MYBPC1: variants seen among roughly 807,000 people sequenced by gnomAD.
The protein encoded by MYBPC1 is myosin-binding protein C, slow-type.
In MYBPC1, 52 loss-of-function variants were observed where a neutral mutation model predicts 147.1. The ratio of observed to expected loss-of-function variants is 0.35; its 90% CI spans 0.28 to 0.45. The LOEUF (loss-of-function observed/expected upper bound fraction) is 0.45. Ranked by LOEUF, MYBPC1 falls within the 20% of genes least tolerant of loss-of-function variation. MYBPC1 has a pLI of 1.00. For missense variants in MYBPC1, 1,228 were observed against 1,440.3 expected (o/e 0.85, Z 2.39); for synonymous variants, 477 against 475.9 (o/e 1.00, Z -0.03).
At chr12:101,603,497 G>A (rs1363632364) in intron 1 of MYBPC1, among the ~76,000 whole-genome samples, 1 of 152,144 alleles carries the variant, frequency 6.6e-6, no homozygotes, top group Non-Finnish European at 1.5e-5. Flanking sequence ...GTGTCACTGT[G>A]TTTATTGCGG....
At position 101,662,500 on chromosome 12, in the gene MYBPC1, T is replaced by G. The variant is rs575151552; in HGVS notation, c.2175T>G (p.Ile725Met). 6.2e-7 allele frequency: 1 copy of G among 1,614,220 alleles called. No homozygotes were observed. Among genetic ancestry groups the G allele is most frequent in the Non-Finnish European group, 8.5e-7 (1 of 1,180,028 alleles). ...YEVRIFAVNA[I>M]GISKPSMPSR... ...TCCGCATCTTTGCAGTCAATGCCAT[T>G]GGCATCTCCAAGCCCAGTATGCCCT... Residue 725 changes from isoleucine to methionine, a missense_variant, in exon 21 of 32, where the codon ATT (isoleucine) becomes ATG (methionine). By Grantham distance (10) the Ile-to-Met change is conservative (BLOSUM62 1). This residue lies in a region of MYBPC1 where 1,077 missense variants were observed against 1,314.2 expected (regional missense o/e 0.82). Coordinates refer to ENST00000361466, the MANE Select transcript of MYBPC1 (RefSeq NM_002465.4).
intron 19 of MYBPC1, 91 bp downstream of exon 19, chr12:101,659,922 C>G (rs1173448624): frequency 6.8e-7 from 1 of 1,481,212 alleles, no homozygotes. Context: ...CCTTCCATTT[C>G]CTTCCTTTGT....
chr12:101,617,889 C>A (rs1015574411), intron 3 of MYBPC1, among the ~76,000 whole-genome samples: 13 of 152,100 alleles, frequency 8.5e-5, no homozygotes, highest in African/African-American at 3.1e-4. Flanking sequence ...CTTTGTCTCA[C>A]CATGGAAGAA....
At chr12:101,668,598 T>A (rs1286902886) in intron 23 of MYBPC1, among the ~76,000 whole-genome samples, 1 of 152,058 alleles carries the variant, frequency 6.6e-6, no homozygotes. Context: ...GTAGTTGGGA[T>A]TATAGACATG....
At chr12:101,687,774 G>C (rs896259030), downstream of MYBPC1, among the ~76,000 whole-genome samples, 2 of 152,192 alleles carry the variant, frequency 1.3e-5, no homozygotes, top group African/African-American at 4.8e-5. Flanking sequence ...CCAAGACATT[G>C]GCCAAGCTAG....
intron 22 of MYBPC1, among the ~76,000 whole-genome samples, chr12:101,667,448 C>G (rs923598233): frequency 6.6e-6 from 1 of 152,202 alleles, no homozygotes. Context: ...TGGACAGTTA[C>G]TATTATTCAG....
chr12:101,664,194 A>T (rs1199750526), intron 22 of MYBPC1, among the ~76,000 whole-genome samples: 3 of 152,234 alleles, frequency 2.0e-5, no homozygotes, highest in Non-Finnish European at 4.4e-5. Context: ...ATAAATTTTT[A>T]AAATCACTGA....
intron 15 of MYBPC1, 175 bp from the exon 16 acceptor site, chr12:101,651,055 GA>G: frequency 1.3e-6 from 1 of 746,502 alleles, no homozygotes; most frequent in Non-Finnish European, 2.2e-6. Flanking sequence ...TCTAAGGAAT[GA>G]AATTGTACAG....
At chr12:101,631,808 A>T in intron 7 of MYBPC1, 89 bp downstream of exon 7, 1 of 1,577,830 alleles carries the variant, frequency 6.3e-7, no homozygotes, top group Non-Finnish European at 8.7e-7. Flanking sequence ...GCTTTGAGAG[A>T]CTTCAGTTCC....
At chr12:101,661,608 G>T (rs976410972) in intron 20 of MYBPC1, among the ~76,000 whole-genome samples, 1 of 152,028 alleles carries the variant, frequency 6.6e-6, no homozygotes, top group Non-Finnish European at 1.5e-5. Context: ...AAATAATTAG[G>T]CTGAGCATTG....
chr12:101,610,853 G>A (rs542768047), intron 1 of MYBPC1, among the ~76,000 whole-genome samples: 6 of 152,250 alleles, frequency 3.9e-5, no homozygotes, highest in South Asian at 2.1e-4. Flanking sequence ...GTGCAGGCCC[G>A]GGCTGCAGAG....
At chr12:101,662,903 A>G (rs1237909092) in intron 21 of MYBPC1, among the ~76,000 whole-genome samples, 2 of 152,176 alleles carry the variant, frequency 1.3e-5, no homozygotes, top group Non-Finnish European at 2.9e-5. Flanking sequence ...CTTAGTGTAA[A>G]CAACTATCAC....
At chr12:101,667,711 C>A in intron 22 of MYBPC1, 21 bp from the exon 23 acceptor site, 2 of 1,613,970 alleles carry the variant, frequency 1.2e-6, no homozygotes, top group African/African-American at 2.7e-5. Context: ...CCTTCTTTTC[C>A]TTTTCTTTTA....
rs143380884 is a variant in MYBPC1, at chr12:101,629,447, C to T, written c.192C>T (p.Val64=). The T allele has an allele frequency of 1.5e-4, 237 of 1,612,030 alleles. 1 individual carries two copies. Among genetic ancestry groups the T allele is most frequent in the African/African-American group, 3.5e-4 (26 of 74,814 alleles). Residue 64 remains valine (V), a synonymous_variant, in exon 6 of 32, where the codon GTC becomes GTT. Transcript: ENST00000361466. The part of the protein sequence containing the change: ...LERKDSDWTL[V]ETPPGEEQAK... ...TCTGCTCATCAGACTGGACCCTTGT[C>T]GAAACTCCTCCTGGGGAGGAACAAG...
downstream of MYBPC1, among the ~76,000 whole-genome samples, chr12:101,688,958 AAAAAAAAAAAG>A (rs1951383878): frequency 3.4e-5 from 4 of 118,188 alleles, no homozygotes; most frequent in South Asian, 3.4e-4. Flanking sequence ...TATCTCAAAA[AAAAAAAAAAAG>A]AAAAAGAAAA....
intron 24 of MYBPC1, among the ~76,000 whole-genome samples, chr12:101,671,024 C>A (rs1200105127): frequency 6.6e-6 from 1 of 151,528 alleles, no homozygotes; most frequent in Non-Finnish European, 1.5e-5. Context: ...CCTTACTCTC[C>A]AACTCCCTAT....
intron 4 of MYBPC1, among the ~76,000 whole-genome samples, 177 bp downstream of exon 4, chr12:101,627,087 C>T (rs979805871): frequency 3.3e-5 from 5 of 152,060 alleles, no homozygotes; most frequent in Non-Finnish European, 5.9e-5. Context: ...TTTTGTTTTA[C>T]GTGAGAAACT....
chr12:101,652,922 G>T, intron 17 of MYBPC1, 138 bp downstream of exon 17: 1 of 1,075,738 alleles, frequency 9.3e-7, no homozygotes, highest in Non-Finnish European at 1.4e-6. Flanking sequence ...CAATCAGAAA[G>T]ATTGGTGACT....
the MYBPC1 span, among the ~76,000 whole-genome samples, chr12:101,693,412 C>T: frequency 1.3e-5 from 2 of 152,096 alleles, no homozygotes; most frequent in Admixed American, 1.3e-4. Context: ...TTGATGGCCC[C>T]CCACAATACC....
Sources: allele counts gnomAD v4.1 joint callset (sites outside exome capture counted in the v4.1 genomes callset), GRCh38; gene constraint gnomAD v4.1.1; regional missense constraint gnomAD v4.1.1; transcripts MANE v1.5; gene names NCBI Gene and HGNC (gene_info 2026-07-23, HGNC 2026-07-21).